Variants in SCYL3 observed in about 807,000 individuals in gnomAD.
The protein encoded by SCYL3 is SCY1 like pseudokinase 3, also known as protein-associating with the carboxyl-terminal domain of ezrin.
SCYL3 carries 35 observed loss-of-function variants against 73.8 expected under a neutral mutation model. That is an observed-to-expected ratio of 0.47 (90% CI 0.36 to 0.63). SCYL3 has a LOEUF of 0.63. Ranked by LOEUF, SCYL3 falls within the 20% of genes least tolerant of loss-of-function variation. The probability of loss-of-function intolerance (pLI) is 0.00; values close to 1 mark genes in which losing one functional copy is unlikely to be tolerated. For synonymous variants in SCYL3, 277 were observed against 295.2 expected (o/e 0.94, Z 0.63); for missense variants, 712 against 798.9 (o/e 0.89, Z 1.31).
chr1:169,870,663 C>T (rs796563412), intron 5 of SCYL3, among the ~76,000 whole-genome samples: 1 of 152,066 alleles, frequency 6.6e-6, no homozygotes, highest in Non-Finnish European at 1.5e-5. Context: ...TATACATACA[C>T]GTGCATAAAT....
rs538241694 is a variant in SCYL3, at chr1:169,851,421, T to C, written c.*2292A>G. ...GTGGTGGTGTGATCATAGCTCGCTA[T>C]AACCTCAAACTCCTGGGCTCAAGCA... On this transcript the variant is annotated 3_prime_UTR_variant, in exon 13 of 13. Coordinates refer to ENST00000367771, the MANE Select transcript of SCYL3 (RefSeq NM_020423.7). 124 of 162,880 alleles carry C rather than the reference T, an allele frequency of 7.6e-4. No homozygotes were observed. Among genetic ancestry groups the C allele is most frequent in the Non-Finnish European group, 1.4e-3 (104 of 75,304 alleles). The allele number at this position is 162,880 out of a possible 1,614,324, so 10.1% of individuals were successfully genotyped here.
intron 5 of SCYL3, among the ~76,000 whole-genome samples, chr1:169,872,515 T>C (rs1319796265): frequency 6.6e-6 from 1 of 152,208 alleles, no homozygotes; most frequent in Non-Finnish European, 1.5e-5. Context: ...GAGTTCCTAC[T>C]GGAGCACTGC....
chr1:169,858,574 AT>A (rs1387384863), intron 11 of SCYL3, among the ~76,000 whole-genome samples: 2 of 138,904 alleles, frequency 1.4e-5, no homozygotes, highest in Non-Finnish European at 3.4e-5. Context: ...ATTACCAAGT[AT>A]TATGTACTGC....
In SCYL3 at chr1:169,852,438, A is replaced by ATAAGT. The variant is rs1571362242; in HGVS notation, c.*1270_*1274dup. The ATAAGT allele has an allele frequency of 3.6e-5, 10 of 280,244 alleles. 1 individual carries two copies. In the South Asian group the frequency reaches 4.6e-4, roughly 13 times the overall value. 17.4% of individuals were successfully genotyped at this position (280,244 alleles called of 1,614,324 possible). ...GTAATTCATGAAGAACAACATTCTGATAAGTTTTAGTCAAACTCTCATAAA... is the reference window on the plus strand; with the variant it reads ...GTAATTCATGAAGAACAACATTCTGATAAGTTAAGTTTTAGTCAAACTCTCATAAA... On this transcript the variant is annotated 3_prime_UTR_variant, in exon 13 of 13. Coordinates refer to ENST00000367771, the MANE Select transcript of SCYL3 (RefSeq NM_020423.7).
chr1:169,877,641 G>A (rs1183359680), intron 3 of SCYL3, among the ~76,000 whole-genome samples: 2 of 152,128 alleles, frequency 1.3e-5, no homozygotes, highest in South Asian at 2.1e-4. Context: ...TATGCACAAA[G>A]AACATCTCTG....
chr1:169,879,075 C>A (rs1331732363), intron 2 of SCYL3, among the ~76,000 whole-genome samples: 1 of 152,120 alleles, frequency 6.6e-6, no homozygotes, highest in East Asian at 1.9e-4. Context: ...CTCATAAGAG[C>A]CCAGATCCCT....
intron 2 of SCYL3, among the ~76,000 whole-genome samples, chr1:169,882,545 G>A (rs1050285511): frequency 1.3e-5 from 2 of 152,224 alleles, no homozygotes; most frequent in African/African-American, 2.4e-5. Flanking sequence ...CCCAGTGCGG[G>A]ATCCACTGGG....
Position 169,850,359 on chromosome 1 carries a change from A to C in SCYL3, c.*3354T>G. On this transcript the variant is annotated 3_prime_UTR_variant, in exon 13 of 13. Transcript: ENST00000367771. ...TTTCTGGAGAAGGTACTTTCTTTACATGGCTCATGTTTTATTCTTTGTCCT... is the reference window on the plus strand; with the variant it reads ...TTTCTGGAGAAGGTACTTTCTTTACCTGGCTCATGTTTTATTCTTTGTCCT... 5 of 1,554,802 alleles carry C rather than the reference A, an allele frequency of 3.2e-6. No individual in the cohort carries two copies. Among genetic ancestry groups the C allele is most frequent in the South Asian group, 2.3e-5 (2 of 88,350 alleles).
At chr1:169,879,803 TAAAGGA>T (rs1239708408) in intron 2 of SCYL3, among the ~76,000 whole-genome samples, 3 of 151,474 alleles carry the variant, frequency 2.0e-5, no homozygotes, top group Non-Finnish European at 4.4e-5. Flanking sequence ...CTCCTAGAGA[TAAAGGA>T]AAAGTTATAA....
At chr1:169,879,503 C>T (rs1661093525) in intron 2 of SCYL3, among the ~76,000 whole-genome samples, 1 of 152,192 alleles carries the variant, frequency 6.6e-6, no homozygotes, top group Non-Finnish European at 1.5e-5. Context: ...TTGCAAATAC[C>T]ATTCACAGGA....
Position 169,851,563 on chromosome 1 carries a change from GCT to G in SCYL3, c.*2148_*2149del, listed in dbSNP as rs1459857323. On this transcript the variant is annotated 3_prime_UTR_variant, in exon 13 of 13. Coordinates refer to ENST00000367771, the MANE Select transcript of SCYL3 (RefSeq NM_020423.7). ...ATACACTGCTGTTGCCAGTTTCTTA[GCT>G]TATACAGTAAAGGTTAGCAGACTAT... is the stretch of plus-strand genomic sequence containing the variant. The G allele has an allele frequency of 2.1e-6, 1 of 477,342 alleles. No homozygotes were observed. Among genetic ancestry groups the G allele is most frequent in the African/African-American group, 2.0e-5 (1 of 50,726 alleles). 29.6% of individuals were successfully genotyped at this position (477,342 alleles called of 1,614,324 possible).
chr1:169,877,293 T>C (rs1345712498), intron 3 of SCYL3, among the ~76,000 whole-genome samples: 1 of 152,092 alleles, frequency 6.6e-6, no homozygotes, highest in Non-Finnish European at 1.5e-5. Flanking sequence ...GTAGGGGGAC[T>C]ACAGGCATGT....
In SCYL3 at chr1:169,888,664, C is replaced by G; in HGVS notation, c.165+12G>C. The G allele has an allele frequency of 1.9e-6, 3 of 1,609,084 alleles. No individual in the cohort carries two copies. Among genetic ancestry groups the G allele is most frequent in the Non-Finnish European group, 2.5e-6 (3 of 1,176,678 alleles). Reference sequence around the variant, plus strand: ...AAAGTACTAACTATTAAGTCGTCACCTATTATGGTACCTTGGCAGCTTTAT... The same window carrying G: ...AAAGTACTAACTATTAAGTCGTCACGTATTATGGTACCTTGGCAGCTTTAT... On this transcript the variant is annotated intron_variant, in intron 2 of 12. Transcript: ENST00000367771.
intron 4 of SCYL3, 78 bp downstream of exon 4, chr1:169,875,900 G>C: frequency 1.3e-6 from 1 of 785,988 alleles, no homozygotes; most frequent in Non-Finnish European, 2.0e-6. Context: ...AACACTGAAG[G>C]AAAGTGCCTA....
chr1:169,882,222 C>T (rs1661324023), intron 2 of SCYL3, among the ~76,000 whole-genome samples: 1 of 152,216 alleles, frequency 6.6e-6, no homozygotes, highest in Non-Finnish European at 1.5e-5. Context: ...GCAGGCCCTG[C>T]CACCCGGGGC....
Position 169,852,500 on chromosome 1 carries a change from T to G in SCYL3, c.*1213A>C. On this transcript the variant is annotated 3_prime_UTR_variant, in exon 13 of 13. Coordinates refer to ENST00000367771, the MANE Select transcript of SCYL3 (RefSeq NM_020423.7). ...TTTATGAACTTGTTTATAAGACATG[T>G]AAGCTTGGACTATGCAGCACTTCTC... The G allele has an allele frequency of 2.5e-6, 1 of 393,092 alleles. No homozygotes were observed. Among genetic ancestry groups the G allele is most frequent in the Non-Finnish European group, 4.5e-6 (1 of 220,142 alleles). The allele number at this position is 393,092 out of a possible 1,614,324, so 24.4% of individuals were successfully genotyped here. A position where few individuals can be genotyped will look rare whatever the true frequency, so the allele number is the denominator to read the frequency against.
Position 169,850,453 on chromosome 1 carries a change from G to T in SCYL3, c.*3260C>A. On this transcript the variant is annotated 3_prime_UTR_variant, in exon 13 of 13. Transcript: ENST00000367771. ...GTCTTCTTAGCTTAAACTTTTCACA[G>T]TGCTGAGCACAGTGCTGACGACTTT... 2 of 750,588 alleles carry T rather than the reference G, an allele frequency of 2.7e-6. No individual in the cohort carries two copies. The highest frequency in any genetic ancestry group is 4.4e-6 in the Non-Finnish European group (2 of 450,560). 46.5% of individuals were successfully genotyped at this position (750,588 alleles called of 1,614,324 possible). A position where few individuals can be genotyped will look rare whatever the true frequency, so the allele number is the denominator to read the frequency against.
rs1211587618 is a variant in SCYL3 at position 169,851,600 on chromosome 1, C to G, written c.*2113G>C. 8.6e-6 allele frequency: 5 copies of G among 584,754 alleles called. No homozygotes were observed. The highest frequency in any genetic ancestry group is 1.5e-5 in the Non-Finnish European group (5 of 344,016). 36.2% of individuals were successfully genotyped at this position (584,754 alleles called of 1,614,324 possible). A position where few individuals can be genotyped will look rare whatever the true frequency, so the allele number is the denominator to read the frequency against. Reference sequence around the variant, plus strand: ...AAGGTTAGCAGACTATCATTTTTTCCTGCAAAGACAACTCTATAACTAACT... The same window carrying G: ...AAGGTTAGCAGACTATCATTTTTTCGTGCAAAGACAACTCTATAACTAACT... On this transcript the variant is annotated 3_prime_UTR_variant, in exon 13 of 13. Coordinates refer to ENST00000367771, the MANE Select transcript of SCYL3 (RefSeq NM_020423.7).
Position 169,853,679 on chromosome 1 carries a change from A to G in SCYL3, c.*34T>C. On this transcript the variant is annotated 3_prime_UTR_variant, in exon 13 of 13. Coordinates refer to ENST00000367771, the MANE Select transcript of SCYL3 (RefSeq NM_020423.7). ...TATTGATTTTTTTTAAAAAAAGGGA[A>G]TCCTTTTTCCTAAAGTTTAACTCAC... The G allele has an allele frequency of 1.9e-6, 3 of 1,603,308 alleles. No homozygotes were observed. The highest frequency in any genetic ancestry group is 1.7e-6 in the Non-Finnish European group (2 of 1,173,606).
Sources: gnomAD v4.1 joint callset for allele counts (sites outside exome capture counted in the v4.1 genomes callset) on GRCh38, gnomAD v4.1.1 for gene constraint, MANE v1.5 for transcripts, NCBI Gene and HGNC (gene_info 2026-07-23, HGNC 2026-07-21) for gene names.